Variants in GALNT2 observed in about 807,000 individuals in gnomAD.
GALNT2 encodes the protein polypeptide N-acetylgalactosaminyltransferase 2.
Under a neutral mutation model 81.4 loss-of-function variants are expected in GALNT2, and 31 were observed. That is an observed-to-expected ratio of 0.38 (90% CI 0.29 to 0.51). The LOEUF (loss-of-function observed/expected upper bound fraction) is 0.51. GALNT2 is among the 20% of genes least tolerant of loss of function. The pLI is 0.87. For synonymous variants in GALNT2, 303 were observed against 287.4 expected (o/e 1.05, Z -0.55); for missense variants, 629 against 765.7 (o/e 0.82, Z 2.11).
At chr1:230,226,043 T>G (rs910566050) in intron 3 of GALNT2, among the ~76,000 whole-genome samples, 1 of 152,220 alleles carries the variant, frequency 6.6e-6, no homozygotes, top group Non-Finnish European at 1.5e-5. Flanking sequence ...TTAAAGCAAC[T>G]GCCCTTACCG....
chr1:230,254,962 AT>A (rs1455958703), intron 10 of GALNT2, among the ~76,000 whole-genome samples: 1 of 152,232 alleles, frequency 6.6e-6, no homozygotes, highest in Non-Finnish European at 1.5e-5. Context: ...CATCTGAAAA[AT>A]ATTTCCCCGT....
intron 1 of GALNT2, among the ~76,000 whole-genome samples, chr1:230,098,028 G>A (rs1477509018): frequency 2.6e-5 from 4 of 152,228 alleles, no homozygotes; most frequent in Non-Finnish European, 2.9e-5. Flanking sequence ...TTTCTTGCTT[G>A]TATTCTGGGT....
chr1:230,067,178 C>T (rs1659214463), upstream of GALNT2: 1 of 624,550 alleles, frequency 1.6e-6, no homozygotes, highest in Admixed American at 5.2e-5. Flanking sequence ...GCCGCCGCGC[C>T]CTTCCCCTTC....
chr1:230,253,734 T>C (rs985384115), intron 10 of GALNT2, among the ~76,000 whole-genome samples: 1 of 152,148 alleles, frequency 6.6e-6, no homozygotes, highest in Admixed American at 6.5e-5. Context: ...GTATATATTA[T>C]GGGTCCCTAG....
intron 1 of GALNT2, among the ~76,000 whole-genome samples, chr1:230,141,601 T>C (rs186843548): frequency 6.6e-6 from 1 of 152,222 alleles, no homozygotes; most frequent in East Asian, 1.9e-4. Context: ...GGTTCATCCA[T>C]GTTGTAGCGC....
At chr1:230,072,011 T>C (rs1407651608) in intron 1 of GALNT2, among the ~76,000 whole-genome samples, 1 of 152,142 alleles carries the variant, frequency 6.6e-6, no homozygotes, top group Non-Finnish European at 1.5e-5. Context: ...CTGTTGGACC[T>C]TGGGGTGGGG....
At chr1:230,114,558 G>T (rs1480320699) in intron 1 of GALNT2, among the ~76,000 whole-genome samples, 1 of 152,260 alleles carries the variant, frequency 6.6e-6, no homozygotes, top group African/African-American at 2.4e-5. Context: ...GCTGGGACAT[G>T]AACAGGGGAA....
chr1:230,107,035 G>A (rs148175627), intron 1 of GALNT2, among the ~76,000 whole-genome samples: 2 of 152,320 alleles, frequency 1.3e-5, no homozygotes, highest in East Asian at 1.9e-4. Flanking sequence ...AGCTGGCTCC[G>A]AGAGCTAGAC....
intron 14 of GALNT2, among the ~76,000 whole-genome samples, chr1:230,270,630 G>A (rs551884312): frequency 6.6e-6 from 1 of 152,360 alleles, no homozygotes; most frequent in East Asian, 1.9e-4. Flanking sequence ...TGAACCGATA[G>A]AAAGTGATGC....
In GALNT2 at chr1:230,262,433, T is replaced by C. The variant is rs145745282; in HGVS notation, c.1137-140T>C. ...GTGCTGGTGGGGACAGCCCACCCTC[T>C]GCTGTGTGCCGTGATCCCAGCTGGA... On this transcript the variant is annotated intron_variant, in intron 11 of 15. Transcript: ENST00000366672. 3.4e-4 allele frequency: 237 copies of C among 691,218 alleles called. 2 individuals carry two copies. The African/African-American group carries it at 3.7e-3, about 11-fold the overall frequency. 42.8% of individuals were successfully genotyped at this position (691,218 alleles called of 1,614,324 possible).
Position 230,193,752 on chromosome 1 carries a change from A to G in GALNT2, c.221-9385A>G, listed in dbSNP as rs768642327. ...GCGTCTTTTTCAAAAAGTTCACTTG[A>G]AGATTGGTTATTAGGATCCCAGAAT... On this transcript the variant is annotated intron_variant, in intron 2 of 15. Transcript: ENST00000366672. The surrounding 1 kb of genome is among the most constrained non-coding windows in gnomAD (Gnocchi z 4.3). Among the ~76,000 whole-genome samples, 23 of 152,334 alleles carry G rather than the reference A, an allele frequency of 1.5e-4. No homozygotes were observed. Among genetic ancestry groups the G allele is most frequent in the Non-Finnish European group, 2.5e-4 (17 of 68,022 alleles).
intron 2 of GALNT2, among the ~76,000 whole-genome samples, chr1:230,196,703 C>T (rs564173495): frequency 7.2e-5 from 11 of 152,264 alleles, no homozygotes; most frequent in African/African-American, 2.6e-4. Flanking sequence ...AGGCAGGCCC[C>T]GCTTCTCCTC....
At chr1:230,189,643 T>C (rs1572066107) in intron 2 of GALNT2, among the ~76,000 whole-genome samples, 1 of 152,236 alleles carries the variant, frequency 6.6e-6, no homozygotes, top group East Asian at 1.9e-4. Context: ...ATCTTTTTAA[T>C]TGTGGTAAAA....
At chr1:230,236,952 T>G (rs1436088982) in intron 6 of GALNT2, among the ~76,000 whole-genome samples, 1 of 152,224 alleles carries the variant, frequency 6.6e-6, no homozygotes, top group Non-Finnish European at 1.5e-5. Context: ...ACATTTTCAT[T>G]TATGTATTTA....
rs1342554353 is a variant in GALNT2 at position 230,274,531 on chromosome 1, G to C, written c.1527G>C (p.Lys509Asn). 1 of 1,614,034 alleles carries C rather than the reference G, an allele frequency of 6.2e-7. No individual in the cohort carries two copies. The highest frequency in any genetic ancestry group is 8.5e-7 in the Non-Finnish European group (1 of 1,179,922). ...VVDRAPGSLI[K>N]LQGCRENDSR... The stretch of plus-strand genomic sequence containing the variant: ...ACCGGGCACCGGGCTCTCTTATAAA[G>C]CTGCAGGGCTGCCGAGAAAATGACA... The change falls in exon 15 of 16, where the codon AAG becomes AAC. Residue 509 changes from lysine to asparagine, a missense_variant. Physicochemically the swap from Lys to Asn is moderately conservative, Grantham distance 94. This residue lies in a region of GALNT2 where 207 missense variants were observed against 225.5 expected (regional missense o/e 0.92). Coordinates refer to ENST00000366672, the MANE Select transcript of GALNT2 (RefSeq NM_004481.5).
intron 1 of GALNT2, among the ~76,000 whole-genome samples, chr1:230,100,276 C>T (rs1421683280): frequency 6.7e-6 from 1 of 149,586 alleles, no homozygotes; most frequent in Non-Finnish European, 1.5e-5. Flanking sequence ...TGGTAATGTG[C>T]AGGATGGGGG....
In GALNT2 at chr1:230,274,373, T is replaced by A; in HGVS notation, c.1441-72T>A. Reference sequence around the variant, plus strand: ...CGTGACCCATTTCCTTTTTGAGCCCTCATCGATGCCCCTTCTTTCCTTTCA... The same window carrying A: ...CGTGACCCATTTCCTTTTTGAGCCCACATCGATGCCCCTTCTTTCCTTTCA... On this transcript the variant is annotated intron_variant, in intron 14 of 15. Transcript: ENST00000366672. The A allele has an allele frequency of 7.0e-6, 11 of 1,565,052 alleles. No homozygotes were observed. The South Asian group carries it at 1.3e-4, about 19-fold the overall frequency.
chr1:230,101,069 C>T (rs964113154), intron 1 of GALNT2, among the ~76,000 whole-genome samples: 2 of 152,130 alleles, frequency 1.3e-5, no homozygotes, highest in African/African-American at 4.8e-5. Context: ...GTAGGCTGTA[C>T]CATCTAGCCT....
chr1:230,102,068 C>G (rs1165213379), intron 1 of GALNT2, among the ~76,000 whole-genome samples: 1 of 152,194 alleles, frequency 6.6e-6, no homozygotes, highest in African/African-American at 2.4e-5. Flanking sequence ...GTGTAAAGTG[C>G]AAAGACACAT....
Sources: gnomAD v4.1 joint callset for allele counts (sites outside exome capture counted in the v4.1 genomes callset) on GRCh38, gnomAD v4.1.1 for gene constraint, gnomAD v4.1.1 regional missense constraint, Gnocchi (gnomAD v3.1) non-coding constraint, MANE v1.5 for transcripts, NCBI Gene and HGNC (gene_info 2026-07-23, HGNC 2026-07-21) for gene names.